Variants in CHTOP observed in about 807,000 individuals in gnomAD.
CHTOP encodes chromatin target of PRMT1 protein.
CHTOP carries 18 observed loss-of-function variants against 33.6 expected under a neutral mutation model. That is an observed-to-expected ratio of 0.54 (90% CI 0.37 to 0.80). CHTOP has a LOEUF of 0.80. Among genes scored for constraint, CHTOP ranks in the 30% least tolerant of loss-of-function variants. The probability of loss-of-function intolerance (pLI) is 0.00; values close to 1 mark genes in which losing one functional copy is unlikely to be tolerated. For synonymous variants in CHTOP, 117 were observed against 127.7 expected (o/e 0.92, Z 0.56); for missense variants, 263 against 336.8 (o/e 0.78, Z 1.71).
chr1:153,638,494 G>A (rs1278669016), intron 3 of CHTOP, 46 bp downstream of exon 3: 1 of 1,610,972 alleles, frequency 6.2e-7, no homozygotes, highest in Non-Finnish European at 8.5e-7. Context: ...GGTGATCTCT[G>A]TGAGGGAGTC....
chr1:153,640,439 A>G (rs1238153845), intron 3 of CHTOP, among the ~76,000 whole-genome samples: 1 of 152,108 alleles, frequency 6.6e-6, no homozygotes, highest in Non-Finnish European at 1.5e-5. Context: ...ACTGCATTCC[A>G]GCTTGGGTGA....
chr1:153,636,597 A>G lies in CHTOP; in HGVS notation c.9A>G (p.Ala3=), dbSNP rs774604010. 2 of 1,613,352 alleles carry G rather than the reference A, an allele frequency of 1.2e-6. No homozygotes were observed. Among genetic ancestry groups the G allele is most frequent in the Non-Finnish European group, 1.7e-6 (2 of 1,179,446 alleles). MA[A]QSAPKVVLKS... ...ATTCTCGGGATTCGAAGATGGCTGC[A>G]CAGTCAGCGCCGAAAGTTGTGCTAA... The change falls in exon 2 of 6, where the codon GCA becomes GCG. Residue 3 remains alanine, a synonymous_variant. Coordinates refer to ENST00000368694, the MANE Select transcript of CHTOP (RefSeq NM_015607.4).
rs535145459 is a variant in CHTOP at position 153,645,135 on chromosome 1, G to T, written c.613G>T (p.Ala205Ser). ...CCGAGGCCGTGGACGAGGGAGAGGT[G>T]CCCTTGCTCGCCCTGTATTGACCAA... Reference protein sequence around the residue: ...RGRGRGRGRGALARPVLTKEQ... With the variant: ...RGRGRGRGRGSLARPVLTKEQ... Residue 205 changes from alanine to serine, a missense_variant, in exon 6 of 6, where the codon GCC becomes TCC. This residue lies in a region of CHTOP where 168 missense variants were observed against 179.9 expected (regional missense o/e 0.93). Transcript: ENST00000368694. 6.2e-7 allele frequency: 1 copy of T among 1,614,046 alleles called. No individual in the cohort carries two copies. Among genetic ancestry groups the T allele is most frequent in the African/African-American group, 1.3e-5 (1 of 74,970 alleles).
intron 3 of CHTOP, among the ~76,000 whole-genome samples, chr1:153,638,882 CTTTTT>C (rs34440523): frequency 2.1e-5 from 3 of 142,586 alleles, no homozygotes; most frequent in Non-Finnish European, 3.0e-5. Flanking sequence ...CAAAGGTTTT[CTTTTT>C]TTTTTTTTTT....
At position 153,636,671 on chromosome 1, in the gene CHTOP, A is replaced by G. The variant is rs751042441; in HGVS notation, c.65+18A>G. 1.2e-6 allele frequency: 2 copies of G among 1,609,632 alleles called. No homozygotes were observed. The highest frequency in any genetic ancestry group is 1.7e-6 in the Non-Finnish European group (2 of 1,176,214). On this transcript the variant is annotated intron_variant, in intron 2 of 5. Transcript: ENST00000368694. ...AATGAGCGGTGAGGCAGCCAACAGCAACTTCAACTCCTTCCTAAGAAAACA... is the reference window on the plus strand; with the variant it reads ...AATGAGCGGTGAGGCAGCCAACAGCGACTTCAACTCCTTCCTAAGAAAACA...
intron 3 of CHTOP, among the ~76,000 whole-genome samples, chr1:153,639,036 ACAC>A (rs1668518214): frequency 6.6e-6 from 1 of 152,048 alleles, no homozygotes; most frequent in Non-Finnish European, 1.5e-5. Context: ...GCCCGCCACC[ACAC>A]CCAGCTAATT....
Position 153,645,566 on chromosome 1 carries a change from C to G in CHTOP, c.*297C>G, listed in dbSNP as rs1003547172. The G allele has an allele frequency of 7.9e-5, 32 of 405,390 alleles. No individual in the cohort carries two copies. The Admixed American group carries it at 1.3e-3, about 16-fold the overall frequency. The allele number at this position is 405,390 out of a possible 1,614,324, so 25.1% of individuals were successfully genotyped here. ...GAACACAAATGCATTAGCCTTGTGG[C>G]TAGAACACCCTCTTCCTACCTCTGT... On this transcript the variant is annotated 3_prime_UTR_variant, in exon 6 of 6. Coordinates refer to ENST00000368694, the MANE Select transcript of CHTOP (RefSeq NM_015607.4).
chr1:153,638,568 C>T, intron 3 of CHTOP, 120 bp downstream of exon 3: 5 of 1,155,998 alleles, frequency 4.3e-6, no homozygotes, highest in African/African-American at 1.5e-5. Context: ...GCTGAAACTT[C>T]TCTGGAAGAA....
intron 3 of CHTOP, among the ~76,000 whole-genome samples, chr1:153,641,429 CTG>C (rs1247510169): frequency 6.6e-6 from 1 of 152,196 alleles, no homozygotes; most frequent in Non-Finnish European, 1.5e-5. Flanking sequence ...TACCCTATCT[CTG>C]TAGTGTGTCC....
intron 1 of CHTOP, 155 bp downstream of exon 1, chr1:153,634,498 G>C (rs919666766): frequency 7.3e-6 from 1 of 137,004 alleles, no homozygotes; most frequent in Non-Finnish European, 1.6e-5. Context: ...GCGAAGGGGC[G>C]GGGGAGGGGC....
intron 5 of CHTOP, chr1:153,644,168 T>C (rs567640300): frequency 1.2e-4 from 18 of 152,362 alleles, no homozygotes; most frequent in East Asian, 5.8e-4. Context: ...CCATAACTTA[T>C]GACCTTGAAG....
Position 153,645,527 on chromosome 1 carries a change from CCA to C in CHTOP, c.*259_*260del, listed in dbSNP as rs965701792. On this transcript the variant is annotated 3_prime_UTR_variant, in exon 6 of 6. Coordinates refer to ENST00000368694, the MANE Select transcript of CHTOP (RefSeq NM_015607.4). ...GGAGGGGGGGTTTCCCCTCCTTTGCCCAGACTTCTCTTTGAACACAAATGCAT... is the reference window on the plus strand; with the variant it reads ...GGAGGGGGGGTTTCCCCTCCTTTGCCGACTTCTCTTTGAACACAAATGCAT... The C allele has an allele frequency of 5.0e-5, 24 of 478,728 alleles. No homozygotes were observed. The highest frequency in any genetic ancestry group is 4.3e-4 in the African/African-American group (22 of 50,588). The allele number at this position is 478,728 out of a possible 1,614,324, so 29.7% of individuals were successfully genotyped here.
intron 1 of CHTOP, among the ~76,000 whole-genome samples, chr1:153,635,291 A>G (rs1202301169): frequency 6.6e-6 from 1 of 152,018 alleles, no homozygotes; most frequent in Non-Finnish European, 1.5e-5. Flanking sequence ...ATCTAGGCCC[A>G]GATGTCTGTA....
At chr1:153,642,124 A>G in intron 3 of CHTOP, 122 bp from the exon 4 acceptor site, 1 of 730,202 alleles carries the variant, frequency 1.4e-6, no homozygotes, top group Non-Finnish European at 2.2e-6. Flanking sequence ...TGACACCCAC[A>G]ACAGGTTTAT....
At chr1:153,635,963 C>CTTTGGGGTT (rs1486898572) in intron 1 of CHTOP, among the ~76,000 whole-genome samples, 1 of 152,072 alleles carries the variant, frequency 6.6e-6, no homozygotes, top group East Asian at 1.9e-4. Context: ...GATGGGGTCT[C>CTTTGGGGTT]AGGCCAGAGT....
chr1:153,635,990 G>A (rs1668378461), intron 1 of CHTOP, among the ~76,000 whole-genome samples: 1 of 151,984 alleles, frequency 6.6e-6, no homozygotes, highest in African/African-American at 2.4e-5. Flanking sequence ...GCATGATCAC[G>A]GCTCTTTGCA....
At chr1:153,638,137 CAG>C in intron 2 of CHTOP, 156 bp from the exon 3 acceptor site, 3 of 670,648 alleles carry the variant, frequency 4.5e-6, no homozygotes, top group Non-Finnish European at 5.1e-6. Flanking sequence ...TTTGTGGAAA[CAG>C]AGGAGTCTTT....
chr1:153,639,524 C>A, intron 3 of CHTOP: 1 of 358,200 alleles, frequency 2.8e-6, no homozygotes, highest in Non-Finnish European at 3.9e-6. Context: ...ACACCCCCAC[C>A]CTGAACCATT....
chr1:153,635,853 G>C (rs1166676225), intron 1 of CHTOP, among the ~76,000 whole-genome samples: 1 of 151,656 alleles, frequency 6.6e-6, no homozygotes, highest in African/African-American at 2.4e-5. Context: ...TCCATACTTT[G>C]ATTGCTAGAT....
Sources: allele counts gnomAD v4.1 joint callset (sites outside exome capture counted in the v4.1 genomes callset), GRCh38; gene constraint gnomAD v4.1.1; regional missense constraint gnomAD v4.1.1; transcripts MANE v1.5; gene names NCBI Gene and HGNC (gene_info 2026-07-23, HGNC 2026-07-21).